Variants in MAPK10 observed in about 807,000 individuals in gnomAD.
MAPK10 encodes JNK3 alpha protein kinase.
Under a neutral mutation model 59.3 loss-of-function variants are expected in MAPK10, and 25 were observed. The ratio of observed to expected loss-of-function variants is 0.42; its 90% CI spans 0.31 to 0.59. MAPK10 has a LOEUF of 0.59. MAPK10 is among the 20% of genes least tolerant of loss of function. The probability of loss-of-function intolerance (pLI) is 0.15; values close to 1 mark genes in which losing one functional copy is unlikely to be tolerated. For missense variants in MAPK10, 351 were observed against 568.9 expected, an observed-to-expected ratio of 0.62 and a Z score of 3.90; for synonymous variants, 190 against 200.5, an observed-to-expected ratio of 0.95 and a Z score of 0.44.
Position 86,354,610 on chromosome 4 carries a change from G to A in MAPK10, c.-87C>T. On this transcript the variant is annotated 5_prime_UTR_variant, in exon 2 of 14. Coordinates refer to ENST00000641462, the MANE Select transcript of MAPK10 (RefSeq NM_138982.4). The stretch of plus-strand genomic sequence containing the variant: ...GCATAAGTTGCCATAGTGAAGATCT[G>A]AGATGGGCCTGCTGTTGGTGTTTCT... The A allele has an allele frequency of 1.6e-6, 2 of 1,230,754 alleles. No individual in the cohort carries two copies. Among genetic ancestry groups the A allele is most frequent in the Non-Finnish European group, 2.0e-6 (2 of 986,890 alleles). 76.2% of individuals were successfully genotyped at this position (1,230,754 alleles called of 1,614,324 possible).
At chr4:86,415,041 G>A (rs957961185) in intron 1 of MAPK10, among the ~76,000 whole-genome samples, 1 of 150,826 alleles carries the variant, frequency 6.6e-6, no homozygotes, top group East Asian at 2.0e-4. Flanking sequence ...AGGGGAGACC[G>A]AGGTGAAAGG....
intron 11 of MAPK10, chr4:86,040,842 AT>A: frequency 6.6e-6 from 1 of 152,292 alleles, no homozygotes; most frequent in South Asian, 2.1e-4. Context: ...TTAAAATAAA[AT>A]AAAAAAACTA....
At chr4:86,552,742 G>C (rs1759953955) in intron 1 of MAPK10, among the ~76,000 whole-genome samples, 2 of 152,072 alleles carry the variant, frequency 1.3e-5, no homozygotes, top group Admixed American at 6.5e-5. Context: ...TTAGAGCAGA[G>C]GGCAGGTTTG....
chr4:86,494,765 C>T (rs998114918), intron 1 of MAPK10, among the ~76,000 whole-genome samples: 2 of 133,568 alleles, frequency 1.5e-5, no homozygotes, highest in Non-Finnish European at 3.1e-5. Context: ...ATGGCGTGAA[C>T]CTGGGAGGCG....
chr4:86,245,752 T>TA (rs1254961137), intron 2 of MAPK10, among the ~76,000 whole-genome samples: 6 of 152,094 alleles, frequency 3.9e-5, no homozygotes, highest in Non-Finnish European at 8.8e-5. Flanking sequence ...GATTGAAGTT[T>TA]AAAATGCCTC....
intron 2 of MAPK10, among the ~76,000 whole-genome samples, chr4:86,316,308 A>G (rs2095787340): frequency 1.3e-5 from 2 of 152,216 alleles, no homozygotes; most frequent in East Asian, 1.9e-4. Context: ...TAGCATTTAT[A>G]TATTTTTTTC....
chr4:86,243,064 G>C (rs181896779), intron 2 of MAPK10, among the ~76,000 whole-genome samples: 1 of 152,300 alleles, frequency 6.6e-6, no homozygotes, highest in African/African-American at 2.4e-5. Flanking sequence ...GCGGGAGGGG[G>C]GTCCCCTTCC....
At chr4:86,391,548 A>T (rs1024429453) in intron 1 of MAPK10, among the ~76,000 whole-genome samples, 6 of 152,316 alleles carry the variant, frequency 3.9e-5, no homozygotes, top group Admixed American at 2.6e-4. Context: ...CAGAGACCTG[A>T]TTCTATGGCA....
chr4:86,029,312 T>A, intron 12 of MAPK10, 38 bp from the exon 13 acceptor site: 11 of 1,297,056 alleles, frequency 8.5e-6, no homozygotes, highest in Non-Finnish European at 1.2e-5. Flanking sequence ...AAAACAAATT[T>A]ATCCTTCATC....
chr4:86,512,465 A>G (rs1476889267), intron 1 of MAPK10, among the ~76,000 whole-genome samples: 2 of 152,214 alleles, frequency 1.3e-5, no homozygotes, highest in East Asian at 3.8e-4. Flanking sequence ...GCAGGCCCCA[A>G]AAACCTTAAG....
intron 1 of MAPK10, among the ~76,000 whole-genome samples, chr4:86,582,295 G>C (rs1424978541): frequency 7.2e-6 from 1 of 138,126 alleles, no homozygotes; most frequent in East Asian, 1.9e-4. Context: ...TGTTTACTTT[G>C]TTATAAGTTC....
rs564371649 is a variant in MAPK10 at position 86,076,473 on chromosome 4, C to T, written c.803-8518G>A. On this transcript the variant is annotated intron_variant, in intron 9 of 13. Coordinates refer to ENST00000641462, the MANE Select transcript of MAPK10 (RefSeq NM_138982.4). Reference sequence around the variant, plus strand: ...CTAACATAAACGAAGACTGGAACTCCTATCTCCTGTTTCCATGTTCAGTGC... The same window carrying T: ...CTAACATAAACGAAGACTGGAACTCTTATCTCCTGTTTCCATGTTCAGTGC... Among the ~76,000 whole-genome samples the T allele has an allele frequency of 1.1e-3, 166 of 152,286 alleles. 4 individuals are homozygous for T. In the South Asian group the frequency reaches 0.033, roughly 31 times the overall value.
intron 4 of MAPK10, among the ~76,000 whole-genome samples, chr4:86,118,573 TACACATACACAC>T (rs201515594): frequency 0.041 from 3,560 of 86,808 alleles, 131 homozygotes; most frequent in African/African-American, 0.14. Context: ...TTTATATAAA[TACACATACACAC>T]ACACACACAC....
chr4:86,545,264 G>T (rs1475922724), intron 1 of MAPK10, among the ~76,000 whole-genome samples: 1 of 152,216 alleles, frequency 6.6e-6, no homozygotes, highest in African/African-American at 2.4e-5. Flanking sequence ...TTAAAGGGTT[G>T]AGTCTGAAGA....
At chr4:86,081,978 G>T (rs1178946729) in intron 9 of MAPK10, 2 of 151,882 alleles carry the variant, frequency 1.3e-5, no homozygotes, top group African/African-American at 4.8e-5. Context: ...ATTCAGCAAT[G>T]AAAATGAGTT....
At chr4:86,154,767 C>G (rs11097094) in intron 4 of MAPK10, among the ~76,000 whole-genome samples, 122,737 of 151,962 alleles carry the variant, frequency 0.81, 49,767 homozygotes, top group East Asian at 0.89. Flanking sequence ...AATATTTTTT[C>G]GGCATAAGTT....
At chr4:86,580,731 T>C (rs1026229577) in intron 1 of MAPK10, among the ~76,000 whole-genome samples, 8 of 152,186 alleles carry the variant, frequency 5.3e-5, no homozygotes, top group Admixed American at 4.6e-4. Context: ...GGGCTTGAGA[T>C]TGTATAAATA....
chr4:86,362,749 T>C (rs908836010), upstream of MAPK10, among the ~76,000 whole-genome samples: 1 of 152,164 alleles, frequency 6.6e-6, no homozygotes, highest in Non-Finnish European at 1.5e-5. Flanking sequence ...TGAGATACCA[T>C]TTCATGCCCA....
At chr4:86,032,831 G>A (rs929969164) in intron 11 of MAPK10, among the ~76,000 whole-genome samples, 7 of 152,166 alleles carry the variant, frequency 4.6e-5, no homozygotes, top group African/African-American at 1.7e-4. Flanking sequence ...CTGAAGTATT[G>A]AGAAATAACT....
Sources: gnomAD v4.1 joint callset for allele counts (sites outside exome capture counted in the v4.1 genomes callset) on GRCh38, gnomAD v4.1.1 for gene constraint, MANE v1.5 for transcripts, NCBI Gene and HGNC (gene_info 2026-07-23, HGNC 2026-07-21) for gene names.